Variants in FOXP1 observed in about 807,000 individuals in gnomAD.
FOXP1 encodes the protein forkhead box protein P1.
A neutral mutation model predicts 98.2 loss-of-function variants in FOXP1; 15 were observed. The ratio of observed to expected loss-of-function variants is 0.15; its 90% confidence interval spans 0.10 to 0.24. The LOEUF is 0.24. Among genes scored for constraint, FOXP1 ranks in the 10% least tolerant of loss-of-function variants. FOXP1 has a pLI of 1.00. For synonymous variants in FOXP1, 371 were observed against 314.5 expected, an observed-to-expected ratio of 1.18 and a Z score of -1.90; for missense variants, 633 against 848.5, an observed-to-expected ratio of 0.75 and a Z score of 3.15.
At chr3:71,245,382 C>T (rs1443827494) in intron 5 of FOXP1, 1 of 151,518 alleles carries the variant, frequency 6.6e-6, no homozygotes, top group Non-Finnish European at 1.5e-5. Context: ...CAAACAGGCC[C>T]TCCTCCTCCT....
At chr3:71,212,409 T>G (rs2064552841) in intron 5 of FOXP1, among the ~76,000 whole-genome samples, 1 of 152,132 alleles carries the variant, frequency 6.6e-6, no homozygotes, top group East Asian at 1.9e-4. Flanking sequence ...ACATGGACAC[T>G]TACACTGCTA....
chr3:71,259,858 C>A (rs2068947182), intron 5 of FOXP1, among the ~76,000 whole-genome samples: 1 of 152,182 alleles, frequency 6.6e-6, no homozygotes, highest in African/African-American at 2.4e-5. Context: ...AGATTAAGCT[C>A]CACAGGTAAG....
At chr3:71,006,838 A>G (rs1254030675) in intron 12 of FOXP1, among the ~76,000 whole-genome samples, 1 of 152,212 alleles carries the variant, frequency 6.6e-6, no homozygotes, top group Non-Finnish European at 1.5e-5. Context: ...ATGTTTTCAA[A>G]GCCTACAAGA....
intron 2 of FOXP1, among the ~76,000 whole-genome samples, chr3:71,544,612 T>C (rs910397666): frequency 6.6e-6 from 1 of 152,232 alleles, no homozygotes; most frequent in African/African-American, 2.4e-5. Context: ...CCAAGACATT[T>C]AAAGACCACT....
chr3:71,184,839 G>A (rs1259050728), intron 6 of FOXP1, among the ~76,000 whole-genome samples: 1 of 151,642 alleles, frequency 6.6e-6, no homozygotes, highest in Non-Finnish European at 1.5e-5. Flanking sequence ...CAGGGAAAAA[G>A]TTATTTGGGT....
chr3:71,359,014 T>C (rs1050381452), intron 4 of FOXP1, 136 bp downstream of exon 4: 1 of 152,216 alleles, frequency 6.6e-6, no homozygotes, highest in Non-Finnish European at 1.5e-5. Flanking sequence ...AAATGCCTGC[T>C]AGCTTCAGAA....
intron 2 of FOXP1, among the ~76,000 whole-genome samples, chr3:71,505,552 A>T (rs1463298226): frequency 6.6e-6 from 1 of 151,618 alleles, no homozygotes; most frequent in African/African-American, 2.4e-5. Context: ...CAGCCTCCAG[A>T]GTAGCTGGGA....
intron 3 of FOXP1, among the ~76,000 whole-genome samples, chr3:71,487,693 G>T (rs539516967): frequency 2.6e-5 from 4 of 152,300 alleles, no homozygotes; most frequent in African/African-American, 9.6e-5. Context: ...TAGCCAAAAG[G>T]TTTGATGTTT....
intron 4 of FOXP1, among the ~76,000 whole-genome samples, chr3:71,313,081 A>G (rs142346759): frequency 0.029 from 3,569 of 124,498 alleles, 64 homozygotes; most frequent in South Asian, 0.049. Flanking sequence ...TTTTTTTGAG[A>G]TGGAGTCTCG....
intron 5 of FOXP1, among the ~76,000 whole-genome samples, chr3:71,249,294 C>T (rs1368728697): frequency 1.3e-5 from 2 of 152,178 alleles, no homozygotes; most frequent in Non-Finnish European, 2.9e-5. Context: ...GGGAATGAAC[C>T]CCAGATCAAT....
chr3:71,203,161 C>T (rs2063779375), intron 5 of FOXP1, among the ~76,000 whole-genome samples: 1 of 152,206 alleles, frequency 6.6e-6, no homozygotes. Flanking sequence ...TCCTGTGTGG[C>T]ATCTCCAGAT....
chr3:71,509,419 T>C, intron 2 of FOXP1, among the ~76,000 whole-genome samples: 1 of 152,208 alleles, frequency 6.6e-6, no homozygotes. Flanking sequence ...CCTATTAGGA[T>C]ACCAGTCACA....
intron 4 of FOXP1, among the ~76,000 whole-genome samples, chr3:71,346,955 C>A (rs935641962): frequency 6.6e-6 from 1 of 151,988 alleles, no homozygotes; most frequent in Non-Finnish European, 1.5e-5. Flanking sequence ...ATCACTTGAA[C>A]CCGGGACATG....
At chr3:71,197,750 G>GT (rs907757808) in intron 6 of FOXP1, 1 of 863,826 alleles carries the variant, frequency 1.2e-6, no homozygotes, top group Non-Finnish European at 1.8e-6. Flanking sequence ...GTCTTTCTAT[G>GT]TATTTATTTC....
intron 12 of FOXP1, among the ~76,000 whole-genome samples, chr3:71,006,110 T>G (rs2042775735): frequency 6.6e-6 from 1 of 152,140 alleles, no homozygotes; most frequent in Non-Finnish European, 1.5e-5. Flanking sequence ...AGGAAATTCT[T>G]GTACTAGGCA....
intron 7 of FOXP1, among the ~76,000 whole-genome samples, chr3:71,076,945 GTC>G (rs2053859589): frequency 6.6e-6 from 1 of 152,180 alleles, no homozygotes; most frequent in Admixed American, 6.5e-5. Flanking sequence ...TCTCTAATAT[GTC>G]TCTGGATTTT....
intron 5 of FOXP1, among the ~76,000 whole-genome samples, chr3:71,240,228 C>T (rs1421305963): frequency 6.6e-6 from 1 of 152,268 alleles, no homozygotes; most frequent in Non-Finnish European, 1.5e-5. Context: ...ACCCACTCAA[C>T]TCCCACTGGC....
At chr3:71,271,349 T>C (rs1576688129) in intron 5 of FOXP1, among the ~76,000 whole-genome samples, 3 of 152,302 alleles carry the variant, frequency 2.0e-5, no homozygotes, top group Middle Eastern at 6.8e-3. Context: ...AGAATTAGTT[T>C]TGTTGATAAA....
chr3:71,583,849 G>C, upstream of FOXP1: 1 of 985,896 alleles, frequency 1.0e-6, no homozygotes, highest in African/African-American at 1.8e-5. Flanking sequence ...GCACCGGCCC[G>C]GGGGCGCACC....
Sources: gnomAD v4.1 joint callset for allele counts (sites outside exome capture counted in the v4.1 genomes callset) on GRCh38, gnomAD v4.1.1 for gene constraint, MANE v1.5 for transcripts, NCBI Gene and HGNC (gene_info 2026-07-23, HGNC 2026-07-21) for gene names.